Variants in SYCP2 observed in about 807,000 individuals in gnomAD.
The protein encoded by SYCP2 is synaptonemal complex protein 2, also known as synaptonemal complex lateral element protein.
A neutral mutation model predicts 211.3 loss-of-function variants in SYCP2; 55 were observed. That is an observed-to-expected ratio of 0.26 (90% CI 0.21 to 0.33). The LOEUF is 0.33. Among genes scored for constraint, SYCP2 ranks in the 10% least tolerant of loss-of-function variants. The pLI is 1.00. For missense variants in SYCP2, 1,731 were observed against 1,752.0 expected, an observed-to-expected ratio of 0.99 and a Z score of 0.21; for synonymous variants, 570 against 555.2, an observed-to-expected ratio of 1.03 and a Z score of -0.37.
intron 18 of SYCP2, among the ~76,000 whole-genome samples, chr20:59,898,051 C>T (rs1046154521): frequency 1.3e-5 from 2 of 152,070 alleles, no homozygotes; most frequent in African/African-American, 2.4e-5. Flanking sequence ...TTCTGGGAGG[C>T]GGAGGTTGCA....
chr20:59,890,760 G>GA (rs1006176377), intron 24 of SYCP2, among the ~76,000 whole-genome samples: 34 of 145,888 alleles, frequency 2.3e-4, no homozygotes, highest in African/African-American at 3.5e-4. Context: ...TGTGCTCCCA[G>GA]AAAAAAAAAA....
In SYCP2 at chr20:59,892,667, T is replaced by G; in HGVS notation, c.1828A>C (p.Lys610Gln). 6.2e-7 allele frequency: 1 copy of G among 1,609,724 alleles called. No homozygotes were observed. Among genetic ancestry groups the G allele is most frequent in the Non-Finnish European group, 8.5e-7 (1 of 1,177,774 alleles). ...PGVLDNICGN[K>Q]IHSKWACWTP... is the part of the protein sequence containing the mutation. ...CAACATGCCCATTTGCTGTGTATTT[T>G]ATTTCCACAGATGTTGTCTAAAACA... The change falls in exon 23 of 45, where the codon AAA (lysine) becomes CAA (glutamine). Residue 610 changes from lysine to glutamine, a missense_variant. Physicochemically the swap from Lys to Gln is moderately conservative, Grantham distance 53. Transcript: ENST00000357552.
chr20:59,920,563 C>T, intron 4 of SYCP2, 76 bp from the exon 5 acceptor site: 1 of 1,170,394 alleles, frequency 8.5e-7, no homozygotes, highest in South Asian at 1.4e-5. Context: ...AGGAGTGTTA[C>T]ACATATATTT....
chr20:59,900,036 G>T, intron 18 of SYCP2, 102 bp downstream of exon 18: 2 of 1,238,364 alleles, frequency 1.6e-6, no homozygotes, highest in Admixed American at 1.8e-5. Context: ...ATTGATCAAG[G>T]CCAATAATAT....
chr20:59,923,410 A>G (rs935141912), intron 2 of SYCP2, among the ~76,000 whole-genome samples: 1 of 151,970 alleles, frequency 6.6e-6, no homozygotes. Context: ...GAGAGGAACC[A>G]TGTGCCTGAT....
intron 12 of SYCP2, 54 bp downstream of exon 12, chr20:59,913,921 C>G: frequency 7.2e-7 from 1 of 1,388,496 alleles, no homozygotes; most frequent in Non-Finnish European, 9.9e-7. Flanking sequence ...TGGGTGCTCA[C>G]TCTTGAGCTC....
intron 18 of SYCP2, among the ~76,000 whole-genome samples, chr20:59,898,820 T>TA (rs2060061210): frequency 1.3e-5 from 2 of 151,906 alleles, no homozygotes; most frequent in Non-Finnish European, 2.9e-5. Flanking sequence ...TGGGTAAAGG[T>TA]AAAAAAATAA....
At chr20:59,900,930 G>T in intron 16 of SYCP2, 112 bp from the exon 17 acceptor site, 1 of 802,224 alleles carries the variant, frequency 1.2e-6, no homozygotes, top group Non-Finnish European at 2.0e-6. Flanking sequence ...TTCCAAAATT[G>T]CCAAATATCC....
At chr20:59,919,080 C>A in intron 7 of SYCP2, 78 bp downstream of exon 7, 1 of 782,336 alleles carries the variant, frequency 1.3e-6, no homozygotes, top group South Asian at 1.6e-5. Flanking sequence ...TAGGACAACA[C>A]AATGGGAATT....
At chr20:59,868,786 G>A (rs757380290) in intron 37 of SYCP2, 49 bp downstream of exon 37, 11 of 1,465,078 alleles carry the variant, frequency 7.5e-6, no homozygotes, top group South Asian at 1.2e-5. Context: ...GAAATGTCAC[G>A]TAGCATTTCA....
chr20:59,916,680 C>T (rs1269308214), intron 7 of SYCP2, 109 bp from the exon 8 acceptor site: 1 of 711,400 alleles, frequency 1.4e-6, no homozygotes, highest in Non-Finnish European at 2.4e-6. Context: ...TAACTCAGGC[C>T]TATAATCCTA....
chr20:59,895,465 C>T lies in SYCP2; in HGVS notation c.1637G>A (p.Gly546Glu), dbSNP rs2145751086. ...GTCTATATTATCTCTTCTATGTCTT[C>T]CTTCTGATGATCTAGATTTCAGTGA... ...AASLKSRSSEGRHRRDNIDKH... is the reference protein window; with the variant it reads ...AASLKSRSSEERHRRDNIDKH... Residue 546 changes from glycine (G) to glutamate (E), a missense_variant, in exon 20 of 45, where the codon GGA becomes GAA. Gly to Glu is a moderately conservative substitution (Grantham distance 98, BLOSUM62 -2). This residue lies in a region of SYCP2 where 1,387 missense variants were observed against 1,351.3 expected (regional missense o/e 1.03). Transcript: ENST00000357552. The T allele has an allele frequency of 1.2e-6, 2 of 1,611,444 alleles. No individual in the cohort carries two copies. Among genetic ancestry groups the T allele is most frequent in the Non-Finnish European group, 1.7e-6 (2 of 1,178,706 alleles).
chr20:59,909,138 A>G (rs191177744), intron 14 of SYCP2, among the ~76,000 whole-genome samples: 16 of 152,286 alleles, frequency 1.1e-4, no homozygotes, highest in Admixed American at 8.5e-4. Context: ...CGATTCTTCA[A>G]GTATCCTTCT....
intron 10 of SYCP2, among the ~76,000 whole-genome samples, chr20:59,914,787 G>A (rs373445135): frequency 1.9e-4 from 29 of 151,834 alleles, no homozygotes; most frequent in African/African-American, 7.0e-4. Flanking sequence ...AAAATCTGAG[G>A]AATTTCTTAG....
chr20:59,913,975 C>T lies in SYCP2; in HGVS notation c.830G>A (p.Arg277Lys), dbSNP rs1287609203. 1 of 1,594,390 alleles carries T rather than the reference C, an allele frequency of 6.3e-7. No homozygotes were observed. Among genetic ancestry groups the T allele is most frequent in the South Asian group, 1.1e-5 (1 of 87,032 alleles). Reference sequence around the variant, plus strand: ...TGGTTGTATCTTGCATTAAGTTTACCTTCTTTTGTCTCCAAGCATGCCATT... The same window carrying T: ...TGGTTGTATCTTGCATTAAGTTTACTTTCTTTTGTCTCCAAGCATGCCATT... Reference protein sequence around the residue: ...LVNGMLGDKRRVFTFPCLSAF... With the variant: ...LVNGMLGDKRKVFTFPCLSAF... The change falls in exon 12 of 45, where the codon AGG becomes AAG. Residue 277 changes from arginine to lysine, a missense_variant and splice_region_variant. Physicochemically the swap from Arg to Lys is conservative, Grantham distance 26. This residue lies in a region of SYCP2 where 335 missense variants were observed against 378.8 expected (regional missense o/e 0.88). Transcript: ENST00000357552.
intron 44 of SYCP2, 114 bp downstream of exon 44, chr20:59,865,274 C>CTT: frequency 1.2e-6 from 1 of 805,374 alleles, no homozygotes; most frequent in Non-Finnish European, 2.0e-6. Context: ...TGGGCTAAAA[C>CTT]TATTTTCTCT....
Position 59,922,458 on chromosome 20 carries a change from A to C in SYCP2, c.-45T>G. On this transcript the variant is annotated splice_region_variant and 5_prime_UTR_variant, in exon 3 of 45. Transcript: ENST00000357552. Reference sequence around the variant, plus strand: ...AAAAAAAAAGCAAGACAAAATAAACACCTATAAAAGAAAACATATATTTTC... The same window carrying C: ...AAAAAAAAAGCAAGACAAAATAAACCCCTATAAAAGAAAACATATATTTTC... 7.2e-7 allele frequency: 1 copy of C among 1,385,402 alleles called. No homozygotes were observed. Among genetic ancestry groups the C allele is most frequent in the African/African-American group, 1.5e-5 (1 of 67,898 alleles). 85.8% of individuals were successfully genotyped at this position (1,385,402 alleles called of 1,614,324 possible).
chr20:59,932,599 G>A (rs942729054), intron 1 of SYCP2, among the ~76,000 whole-genome samples: 1 of 151,562 alleles, frequency 6.6e-6, no homozygotes, highest in Admixed American at 6.5e-5. Flanking sequence ...GCTGGAACCC[G>A]GAAGATGGAG....
chr20:59,870,505 C>A (rs142633888), intron 35 of SYCP2, among the ~76,000 whole-genome samples: 71 of 151,696 alleles, frequency 4.7e-4, no homozygotes, highest in African/African-American at 1.5e-3. Context: ...TAACAAGATG[C>A]ATAATTTCCT....
Sources: allele counts gnomAD v4.1 joint callset (sites outside exome capture counted in the v4.1 genomes callset), GRCh38; gene constraint gnomAD v4.1.1; regional missense constraint gnomAD v4.1.1; transcripts MANE v1.5; gene names NCBI Gene and HGNC (gene_info 2026-07-23, HGNC 2026-07-21).